Variants in TCP1 observed in about 807,000 individuals in gnomAD.
The protein encoded by TCP1 is t-complex 1, also known as T-complex protein 1 subunit alpha.
TCP1 carries 6 observed loss-of-function variants against 54.7 expected under a neutral mutation model. That is an observed-to-expected ratio of 0.11 (90% CI 0.06 to 0.22). TCP1 has a LOEUF of 0.22. Among genes scored for constraint, TCP1 ranks in the 10% least tolerant of loss-of-function variants. TCP1 has a pLI of 1.00. For missense variants in TCP1, 511 were observed against 678.2 expected, an observed-to-expected ratio of 0.75 and a Z score of 2.74; for synonymous variants, 225 against 229.7, an observed-to-expected ratio of 0.98 and a Z score of 0.19.
intron 5 of TCP1, 65 bp downstream of exon 5, chr6:159,785,321 C>T: frequency 4.1e-6 from 5 of 1,228,230 alleles, no homozygotes; most frequent in Non-Finnish European, 6.0e-6. Context: ...GCACATACCA[C>T]CATGCCCATC....
intron 4 of TCP1, 94 bp downstream of exon 4, chr6:159,785,806 C>A: frequency 1.9e-6 from 2 of 1,035,662 alleles, no homozygotes; most frequent in South Asian, 2.7e-5. Context: ...TGAAGGTTTT[C>A]AAATTAAAAT....
At position 159,781,076 on chromosome 6, in the gene TCP1, T is replaced by A; in HGVS notation, c.832A>T (p.Ile278Phe). 6.2e-7 allele frequency: 1 copy of A among 1,609,914 alleles called. No homozygotes were observed. Among genetic ancestry groups the A allele is most frequent in the Non-Finnish European group, 8.5e-7 (1 of 1,178,820 alleles). ...ATAACATTGGCACCAGTTGCCAGGA[T>A]CTTCTGAATTCTCTCCTTGGTGATA... ...SDITKERIQK[I>F]LATGANVILT... The change falls in exon 8 of 12, where the codon ATC becomes TTC. Residue 278 changes from isoleucine (I) to phenylalanine (F), a missense_variant. Transcript: ENST00000321394.
chr6:159,782,900 A>G (rs1213730470), intron 7 of TCP1, among the ~76,000 whole-genome samples: 2 of 152,210 alleles, frequency 1.3e-5, no homozygotes, highest in African/African-American at 4.8e-5. Flanking sequence ...AGGGTTGCTA[A>G]AGGTCAAGTA....
intron 7 of TCP1, among the ~76,000 whole-genome samples, chr6:159,782,075 A>G (rs1239493804): frequency 6.6e-6 from 1 of 152,132 alleles, no homozygotes; most frequent in African/African-American, 2.4e-5. Flanking sequence ...AAATAACAAG[A>G]GTTTTGGGGG....
At position 159,779,156 on chromosome 6, in the gene TCP1, A is replaced by G. The variant is rs759469194; in HGVS notation, c.1560T>C (p.Ala520=). 23 of 1,613,800 alleles carry G rather than the reference A, an allele frequency of 1.4e-5. 1 individual carries two copies. In the South Asian group the frequency reaches 2.5e-4, roughly 18 times the overall value. The change falls in exon 12 of 12, where the codon GCT becomes GCC. Residue 520 remains alanine, a synonymous_variant. Transcript: ENST00000321394. ...CATCAATTCGAAGAATGGTGATTGC[A>G]GCTTCTGTTGCAAATTTCAAACTCT... The part of the protein sequence containing the change: ...KVKSLKFATE[A]AITILRIDDL...
intron 4 of TCP1, 92 bp downstream of exon 4, chr6:159,785,808 A>C: frequency 1.9e-6 from 2 of 1,047,434 alleles, no homozygotes; most frequent in Non-Finnish European, 2.9e-6. Context: ...AAGGTTTTCA[A>C]ATTAAAATTT....
In TCP1 at chr6:159,780,843, G is replaced by T. The variant is rs190718367; in HGVS notation, c.973+92C>A. On this transcript the variant is annotated intron_variant, in intron 8 of 11. Coordinates refer to ENST00000321394, the MANE Select transcript of TCP1 (RefSeq NM_030752.3). ...ATTAAGAGAATATAAATGTTTTTGA[G>T]CTGTTTTCTGTCAATATTCCAATGT... is the stretch of plus-strand genomic sequence containing the variant. 230 of 1,417,988 alleles carry T rather than the reference G, an allele frequency of 1.6e-4. No homozygotes were observed. The African/African-American group carries it at 3.1e-3, about 19-fold the overall frequency. 87.8% of individuals were successfully genotyped at this position (1,417,988 alleles called of 1,614,324 possible). A position where few individuals can be genotyped will look rare whatever the true frequency, so the allele number is the denominator to read the frequency against.
Position 159,785,875 on chromosome 6 carries a change from TTTCTC to T in TCP1, c.377+20_377+24del. The T allele has an allele frequency of 1.3e-6, 2 of 1,593,280 alleles. No homozygotes were observed. The highest frequency in any genetic ancestry group is 1.1e-5 in the South Asian group (1 of 90,564). ...TTTACAACTATTACATCAAAAAAAA[TTTCTC>T]TGAATGCAAACAATCTTACTTGCAA... On this transcript the variant is annotated intron_variant, in intron 4 of 11. Transcript: ENST00000321394.
At chr6:159,785,128 G>T in intron 5 of TCP1, 1 of 599,504 alleles carries the variant, frequency 1.7e-6, no homozygotes, top group Non-Finnish European at 2.9e-6. Context: ...GCATAAAATT[G>T]GTTATTCAAA....
rs770412746 is a variant in TCP1 at position 159,784,081 on chromosome 6, T to C, written c.671-14A>G. 6 of 1,611,010 alleles carry C rather than the reference T, an allele frequency of 3.7e-6. No individual in the cohort carries two copies. The highest frequency in any genetic ancestry group is 4.2e-6 in the Non-Finnish European group (5 of 1,178,982). The stretch of plus-strand genomic sequence containing the variant: ...TCTTGGGCATGCCTACAATTGAACA[T>C]AAGATTAAGTTAATACGTCTATCCT... On this transcript the variant is annotated splice_polypyrimidine_tract_variant and intron_variant, in intron 6 of 11. Transcript: ENST00000321394.
Position 159,779,880 on chromosome 6 carries a change from A to G in TCP1, c.1290+15T>C. Reference sequence around the variant, plus strand: ...CTGCTCTCAGGCCTCTAAGACAAGAAATGACTGTTCTTACCATGCTGGTTG... The same window carrying G: ...CTGCTCTCAGGCCTCTAAGACAAGAGATGACTGTTCTTACCATGCTGGTTG... On this transcript the variant is annotated intron_variant, in intron 10 of 11. Transcript: ENST00000321394. The G allele has an allele frequency of 6.2e-7, 1 of 1,612,520 alleles. No homozygotes were observed. Among genetic ancestry groups the G allele is most frequent in the Non-Finnish European group, 8.5e-7 (1 of 1,179,388 alleles).
Position 159,780,937 on chromosome 6 carries a change from C to T in TCP1, c.971G>A (p.Gly324Glu). 3.7e-6 allele frequency: 6 copies of T among 1,601,062 alleles called. No homozygotes were observed. Among genetic ancestry groups the T allele is most frequent in the Non-Finnish European group, 5.1e-6 (6 of 1,176,332 alleles). ...RDLKRIAKAS[G>E]ATILSTLANL... is the part of the protein sequence containing the mutation. ...GTGACAGCCAGCACAAGACATACCT[C>T]CAGAAGCTTTGGCAATGCGTTTAAG... Residue 324 changes from glycine to glutamate, a missense_variant and splice_region_variant, in exon 8 of 12, where the codon GGA becomes GAA. Coordinates refer to ENST00000321394, the MANE Select transcript of TCP1 (RefSeq NM_030752.3).
chr6:159,786,609 A>T (rs1270855320), intron 3 of TCP1, among the ~76,000 whole-genome samples: 1 of 152,256 alleles, frequency 6.6e-6, no homozygotes, highest in African/African-American at 2.4e-5. Flanking sequence ...TAAAGCAAAA[A>T]GACTGTCAGC....
In TCP1 at chr6:159,781,023, CAT is replaced by C; in HGVS notation, c.883_884del (p.Met295ValfsTer14). On this transcript the variant is annotated frameshift_variant, in exon 8 of 12. Coordinates refer to ENST00000321394, the MANE Select transcript of TCP1 (RefSeq NM_030752.3). LOFTEE classifies it high-confidence loss of function. The part of the protein sequence containing the change: ...VILTTGGIDD[M>X]CLKYFVEAGA... ...CAGCCTCCACAAAATACTTCAGACA[CAT>C]ATCATCAATTCCACCAGTGGTTAGA... 6.2e-7 allele frequency: 1 copy of C among 1,613,760 alleles called. No homozygotes were observed. Among genetic ancestry groups the C allele is most frequent in the Non-Finnish European group, 8.5e-7 (1 of 1,179,852 alleles).
intron 3 of TCP1, among the ~76,000 whole-genome samples, chr6:159,787,453 A>AT (rs1562485199): frequency 6.6e-6 from 1 of 152,204 alleles, no homozygotes; most frequent in Non-Finnish European, 1.5e-5. Context: ...GAATACCAAC[A>AT]TTTAAAACAA....
chr6:159,783,804 G>C, intron 7 of TCP1, 137 bp downstream of exon 7: 1 of 1,155,096 alleles, frequency 8.7e-7, no homozygotes, highest in Non-Finnish European at 1.2e-6. Flanking sequence ...TTTCATATAG[G>C]TTGTATAACC....
In TCP1 at chr6:159,778,647, C is replaced by T. The variant is rs1780490344; in HGVS notation, c.*398G>A. ...GAAGAATAAACAATCTAAATCTTTT[C>T]TCCCCCGTTAGGTCAATATTGAAGG... On this transcript the variant is annotated 3_prime_UTR_variant, in exon 12 of 12. Transcript: ENST00000321394. 6.2e-7 allele frequency: 1 copy of T among 1,612,224 alleles called. No homozygotes were observed. The highest frequency in any genetic ancestry group is 8.5e-7 in the Non-Finnish European group (1 of 1,178,706).
chr6:159,778,975 A>G lies in TCP1; in HGVS notation c.*70T>C. On this transcript the variant is annotated 3_prime_UTR_variant, in exon 12 of 12. Transcript: ENST00000321394. ...AGTTTACAGCTTGTACTTTACTTTA[A>G]TGTGTAATACTCAACTCAAGGTACA... is the stretch of plus-strand genomic sequence containing the variant. The G allele has an allele frequency of 6.4e-7, 1 of 1,562,962 alleles. No homozygotes were observed. Among genetic ancestry groups the G allele is most frequent in the South Asian group, 1.2e-5 (1 of 84,666 alleles).
intron 2 of TCP1, 39 bp downstream of exon 2, chr6:159,788,019 T>G (rs768952948): frequency 1.2e-6 from 2 of 1,610,470 alleles, no homozygotes; most frequent in Admixed American, 3.3e-5. Context: ...AAGATAGTTT[T>G]ACTTTAAGGA....
Sources: allele counts gnomAD v4.1 joint callset (sites outside exome capture counted in the v4.1 genomes callset), GRCh38; gene constraint gnomAD v4.1.1; transcripts MANE v1.5; gene names NCBI Gene and HGNC (gene_info 2026-07-23, HGNC 2026-07-21).